SDK2: variants seen among roughly 807,000 people sequenced by gnomAD.
SDK2 encodes protein sidekick-2.
In SDK2, 105 loss-of-function variants were observed where a neutral mutation model predicts 253.9. That is an observed-to-expected ratio of 0.41 (90% confidence interval 0.35 to 0.49). SDK2 has a LOEUF of 0.49. Among genes scored for constraint, SDK2 ranks in the 20% least tolerant of loss-of-function variants. The pLI is 0.06. For missense variants in SDK2, 2,608 were observed against 3,003.0 expected, an observed-to-expected ratio of 0.87 and a Z score of 3.07; for synonymous variants, 1,249 against 1,234.9, an observed-to-expected ratio of 1.01 and a Z score of -0.24.
In SDK2 at chr17:73,629,901, G is replaced by A. The variant is rs2046247314; in HGVS notation, c.64+14124C>T. ...CTTCTCCCAGGAAGGAGGGCTCTGG[G>A]CTGGATTTTCTTTCCTTTTCTTTTA... On this transcript the variant is annotated intron_variant, in intron 1 of 44. Coordinates refer to ENST00000392650, the MANE Select transcript of SDK2 (RefSeq NM_001144952.2). This position sits in a 1 kb window ranked among gnomAD's most constrained non-coding sequence, Gnocchi z 5.0. Among the ~76,000 whole-genome samples the A allele has an allele frequency of 2.0e-5, 3 of 152,142 alleles. No individual in the cohort carries two copies. Among genetic ancestry groups the A allele is most frequent in the South Asian group, 2.1e-4 (1 of 4,824 alleles).
intron 3 of SDK2, among the ~76,000 whole-genome samples, chr17:73,464,003 G>A (rs886777414): frequency 4.6e-5 from 7 of 152,172 alleles, no homozygotes; most frequent in Non-Finnish European, 7.3e-5. Flanking sequence ...ACCAACACTT[G>A]GTGTTGTTAG....
chr17:73,392,259 T>C (rs1223542285), intron 27 of SDK2, among the ~76,000 whole-genome samples: 1 of 148,420 alleles, frequency 6.7e-6, no homozygotes, highest in Non-Finnish European at 1.5e-5. Flanking sequence ...ATAAGATGTC[T>C]GAGATTTCCA....
chr17:73,462,717 G>A (rs2063572430), intron 3 of SDK2, among the ~76,000 whole-genome samples: 1 of 152,088 alleles, frequency 6.6e-6, no homozygotes, highest in South Asian at 2.1e-4. Flanking sequence ...ATATGGTGAG[G>A]TGGATGGAAG....
intron 41 of SDK2, 31 bp from the exon 42 acceptor site, chr17:73,350,821 G>T: frequency 3.8e-6 from 6 of 1,572,798 alleles, no homozygotes; most frequent in Non-Finnish European, 5.2e-6. Flanking sequence ...TATATAGGGT[G>T]CTCAGCCCCC....
chr17:73,603,537 C>T (rs752717635), intron 1 of SDK2, among the ~76,000 whole-genome samples: 5 of 152,286 alleles, frequency 3.3e-5, no homozygotes, highest in South Asian at 4.1e-4. Context: ...CCAGGCAGGA[C>T]GGGCTTCCCA....
chr17:73,368,397 C>T lies in SDK2; in HGVS notation c.5167+10G>A, dbSNP rs2062704452. The T allele has an allele frequency of 6.6e-7, 1 of 1,508,630 alleles. No individual in the cohort carries two copies. Among genetic ancestry groups the T allele is most frequent in the Admixed American group, 2.1e-5 (1 of 47,744 alleles). 93.5% of individuals were successfully genotyped at this position (1,508,630 alleles called of 1,614,324 possible). A position where few individuals can be genotyped will look rare whatever the true frequency, so the allele number is the denominator to read the frequency against. On this transcript the variant is annotated intron_variant, in intron 37 of 44. Transcript: ENST00000392650. ...CCTACCCCTCCCCTCCTCAGGGCCC[C>T]CTCTCCCACCTGCTTGCTGGGTCTG...
chr17:73,576,951 C>T (rs1468571945), intron 1 of SDK2, among the ~76,000 whole-genome samples: 3 of 152,336 alleles, frequency 2.0e-5, no homozygotes, highest in Non-Finnish European at 2.9e-5. Context: ...CAAGGATACA[C>T]TGTGGCCTCT....
rs910242787 is a variant in SDK2, at chr17:73,336,846, C to G, written c.*1741G>C. On this transcript the variant is annotated 3_prime_UTR_variant, in exon 45 of 45. Coordinates refer to ENST00000392650, the MANE Select transcript of SDK2 (RefSeq NM_001144952.2). ...AATCAGACAGGCCCCTGTGGGCCAT[C>G]TGCCACCCATCTCAGCGGTGGGGCA... The G allele has an allele frequency of 6.6e-6, 1 of 151,614 alleles. No homozygotes were observed. Among genetic ancestry groups the G allele is most frequent in the Non-Finnish European group, 1.5e-5 (1 of 67,654 alleles). 9.4% of individuals were successfully genotyped at this position (151,614 alleles called of 1,614,324 possible). A position where few individuals can be genotyped will look rare whatever the true frequency, so the allele number is the denominator to read the frequency against.
At position 73,464,955 on chromosome 17, in the gene SDK2, T is replaced by C. The variant is rs2063587164; in HGVS notation, c.331+7157A>G. On this transcript the variant is annotated intron_variant, in intron 3 of 44. Coordinates refer to ENST00000392650, the MANE Select transcript of SDK2 (RefSeq NM_001144952.2). ...CAGAGACGTGTGTCTTGGTTTTGTC[T>C]CTCGTTGTGTCCCCACTGCCTGGAA... 3.9e-5 allele frequency among the ~76,000 whole-genome samples: 6 copies of C among 152,196 alleles called. No homozygotes were observed. In the South Asian group the frequency reaches 1.2e-3, roughly 31 times the overall value.
At chr17:73,390,624 C>T in intron 28 of SDK2, 143 bp from the exon 29 acceptor site, 1 of 855,252 alleles carries the variant, frequency 1.2e-6, no homozygotes, top group Non-Finnish European at 1.8e-6. Flanking sequence ...GTCTGTCTGC[C>T]TGAGGTCTCT....
chr17:73,522,238 G>A (rs920200062), intron 1 of SDK2, among the ~76,000 whole-genome samples: 1 of 152,232 alleles, frequency 6.6e-6, no homozygotes, highest in African/African-American at 2.4e-5. Flanking sequence ...GTGGGCGGAT[G>A]GGCTGCCCCA....
At chr17:73,476,298 AAC>A (rs2063685540) in intron 2 of SDK2, among the ~76,000 whole-genome samples, 1 of 152,188 alleles carries the variant, frequency 6.6e-6, no homozygotes, top group South Asian at 2.1e-4. Flanking sequence ...TAACCACACA[AAC>A]ACACTGGGAT....
chr17:73,451,996 C>T (rs1161678301), intron 4 of SDK2, among the ~76,000 whole-genome samples: 1 of 152,168 alleles, frequency 6.6e-6, no homozygotes, highest in East Asian at 1.9e-4. Flanking sequence ...TAGGCTTTTG[C>T]TATGGCTCTG....
intron 5 of SDK2, 75 bp from the exon 6 acceptor site, chr17:73,440,998 G>A (rs1448190933): frequency 1.8e-6 from 2 of 1,107,258 alleles, no homozygotes; most frequent in Non-Finnish European, 2.6e-6. Flanking sequence ...AGAGGCTGAT[G>A]CCCTGGGAGG....
In SDK2 at chr17:73,431,753, TC is replaced by T. The variant is rs2063328054; in HGVS notation, c.1313-85del. 7.3e-7 allele frequency: 1 copy of T among 1,361,336 alleles called. No individual in the cohort carries two copies. 84.3% of individuals were successfully genotyped at this position (1,361,336 alleles called of 1,614,324 possible). ...CCCTGGCCGCTCCAGGGCAGCATGG[TC>T]CCCCCACAGGCCCCTGGCTCTGGAA... is the stretch of plus-strand genomic sequence containing the variant. On this transcript the variant is annotated intron_variant, in intron 10 of 44. Transcript: ENST00000392650. The surrounding 1 kb of genome is among the most constrained non-coding windows in gnomAD (Gnocchi z 5.6).
intron 44 of SDK2, among the ~76,000 whole-genome samples, chr17:73,347,421 A>C (rs2062494187): frequency 6.6e-6 from 1 of 152,156 alleles, no homozygotes; most frequent in Non-Finnish European, 1.5e-5. Flanking sequence ...AAGCCATGCT[A>C]AGTTGGGGGT....
intron 1 of SDK2, among the ~76,000 whole-genome samples, chr17:73,582,420 G>A (rs1443566941): frequency 2.0e-5 from 3 of 152,238 alleles, no homozygotes; most frequent in Admixed American, 2.0e-4. Context: ...ACACTGTGCA[G>A]GCACGAACAC....
chr17:73,388,107 G>A lies in SDK2; in HGVS notation c.4193-70C>T, dbSNP rs534782866. 93 of 1,111,306 alleles carry A rather than the reference G, an allele frequency of 8.4e-5. 1 individual carries two copies. The South Asian group carries it at 1.2e-3, about 14-fold the overall frequency. 68.8% of individuals were successfully genotyped at this position (1,111,306 alleles called of 1,614,324 possible). On this transcript the variant is annotated intron_variant, in intron 29 of 44. Transcript: ENST00000392650. ...ATGGTGGAGGGGGCTGGACTTTCTCGAGGGAGGAAAGGAGGTGATCTGGGC... is the reference window on the plus strand; with the variant it reads ...ATGGTGGAGGGGGCTGGACTTTCTCAAGGGAGGAAAGGAGGTGATCTGGGC...
Position 73,616,981 on chromosome 17 carries a change from G to GCATGGCACATGGGAGGCC in SDK2, c.64+27026_64+27043dup, listed in dbSNP as rs1038240512. Among the ~76,000 whole-genome samples the GCATGGCACATGGGAGGCC allele has an allele frequency of 4.6e-5, 7 of 152,132 alleles. No individual in the cohort carries two copies. Among genetic ancestry groups the GCATGGCACATGGGAGGCC allele is most frequent in the Admixed American group, 1.3e-4 (2 of 15,280 alleles). The stretch of plus-strand genomic sequence containing the variant: ...AGAGGGCGGGTTTTCACAGGCCCAT[G>GCATGGCACATGGGAGGCC]CATGGCACATGGGAGGCCCACGACA... On this transcript the variant is annotated intron_variant, in intron 1 of 44. Coordinates refer to ENST00000392650, the MANE Select transcript of SDK2 (RefSeq NM_001144952.2). The surrounding 1 kb of genome is among the most constrained non-coding windows in gnomAD (Gnocchi z 5.2).
Sources: allele counts gnomAD v4.1 joint callset (sites outside exome capture counted in the v4.1 genomes callset), GRCh38; gene constraint gnomAD v4.1.1; non-coding constraint Gnocchi (gnomAD v3.1); transcripts MANE v1.5; gene names NCBI Gene and HGNC (gene_info 2026-07-23, HGNC 2026-07-21).